MGAT5: variants seen among roughly 807,000 people sequenced by gnomAD.
MGAT5 encodes alpha-1,6-mannosylglycoprotein 6-beta-N-acetylglucosaminyltransferase.
Under a neutral mutation model 94.3 loss-of-function variants are expected in MGAT5, and 30 were observed. That is an observed-to-expected ratio of 0.32 (90% CI 0.24 to 0.43). The LOEUF is 0.43. MGAT5 is among the 20% of genes least tolerant of loss of function. MGAT5 has a pLI of 1.00. For synonymous variants in MGAT5, 310 were observed against 322.9 expected, an observed-to-expected ratio of 0.96 and a Z score of 0.43; for missense variants, 691 against 905.5, an observed-to-expected ratio of 0.76 and a Z score of 3.04.
chr2:134,228,546 G>A (rs140578276), intron 1 of MGAT5, among the ~76,000 whole-genome samples: 1 of 152,272 alleles, frequency 6.6e-6, no homozygotes, highest in African/African-American at 2.4e-5. Context: ...TGTGAAAATG[G>A]ATCTGGGCCT....
chr2:134,237,148 T>TGTGTGTGC (rs374914892), intron 1 of MGAT5, among the ~76,000 whole-genome samples: 2 of 140,744 alleles, frequency 1.4e-5, no homozygotes, highest in South Asian at 2.5e-4. Context: ...TGTGTGTGTG[T>TGTGTGTGC]GCGCGTGTGT....
chr2:134,175,183 A>G (rs1430797340), intron 1 of MGAT5, among the ~76,000 whole-genome samples: 1 of 152,056 alleles, frequency 6.6e-6, no homozygotes, highest in Non-Finnish European at 1.5e-5. Flanking sequence ...ATGGCAAGAG[A>G]TTTTCATGTT....
intron 15 of MGAT5, 73 bp from the exon 16 acceptor site, chr2:134,448,575 GC>G: frequency 7.2e-7 from 1 of 1,386,074 alleles, no homozygotes; most frequent in Non-Finnish European, 1.0e-6. Context: ...CAAGATGGGG[GC>G]TCACAGGGCC....
chr2:134,425,602 T>A (rs1684538027), intron 13 of MGAT5, among the ~76,000 whole-genome samples: 1 of 152,192 alleles, frequency 6.6e-6, no homozygotes, highest in South Asian at 2.1e-4. Context: ...AACCCTGGCC[T>A]CCTGATACTT....
chr2:134,150,146 A>G (rs768733725), intron 1 of MGAT5, among the ~76,000 whole-genome samples: 2 of 152,042 alleles, frequency 1.3e-5, no homozygotes, highest in Non-Finnish European at 2.9e-5. Flanking sequence ...GTCAGATGTC[A>G]GCACTGTGAG....
intron 2 of MGAT5, among the ~76,000 whole-genome samples, chr2:134,285,888 G>T (rs959963571): frequency 2.0e-5 from 3 of 152,040 alleles, no homozygotes; most frequent in Non-Finnish European, 4.4e-5. Flanking sequence ...ATATTTGCTG[G>T]GGTCAAATTT....
chr2:134,452,742 A>G lies in MGAT5; in HGVS notation c.*3895A>G, dbSNP rs974964461. The G allele has an allele frequency of 6.6e-6, 1 of 152,220 alleles. No individual in the cohort carries two copies. Among genetic ancestry groups the G allele is most frequent in the African/African-American group, 2.4e-5 (1 of 41,458 alleles). The allele number at this position is 152,220 out of a possible 1,614,324, so 9.4% of individuals were successfully genotyped here. A position where few individuals can be genotyped will look rare whatever the true frequency, so the allele number is the denominator to read the frequency against. ...CTCTGTTGTATGTGTTACTATCCCA[A>G]GCCTGGATTATTTTATTTATTTAAA... On this transcript the variant is annotated 3_prime_UTR_variant, in exon 16 of 16. Transcript: ENST00000281923.
intron 1 of MGAT5, among the ~76,000 whole-genome samples, chr2:134,257,260 T>G (rs1007803061): frequency 4.6e-5 from 7 of 152,008 alleles, no homozygotes; most frequent in African/African-American, 1.7e-4. Context: ...TGAGATGGAG[T>G]CTTGCGTTGT....
intron 1 of MGAT5, among the ~76,000 whole-genome samples, chr2:134,257,021 G>T (rs139942655): frequency 6.6e-6 from 1 of 152,266 alleles, no homozygotes; most frequent in Non-Finnish European, 1.5e-5. Context: ...AATAGGTCTT[G>T]ATTGTGGTAG....
intron 1 of MGAT5, among the ~76,000 whole-genome samples, chr2:134,182,917 GCTGTGACTACAGGCGC>G (rs1688816763): frequency 1.3e-5 from 2 of 150,444 alleles, no homozygotes; most frequent in Non-Finnish European, 2.9e-5. Context: ...CTCCCGAGTA[GCTGTGACTACAGGCGC>G]CCACCATCAC....
chr2:134,432,463 G>A (rs1019658350), intron 14 of MGAT5, among the ~76,000 whole-genome samples: 3 of 152,222 alleles, frequency 2.0e-5, no homozygotes, highest in African/African-American at 7.2e-5. Context: ...GGACAAGCCT[G>A]TTATGAATCT....
Position 134,362,409 on chromosome 2 carries a change from G to A in MGAT5, c.1380+1G>A. On this transcript the variant is annotated splice_donor_variant, in intron 10 of 15. Coordinates refer to ENST00000281923, the MANE Select transcript of MGAT5 (RefSeq NM_002410.5). LOFTEE classifies it high-confidence loss of function. ...TGGCAAAGTGGATAGCTTCTGGAAGGTGAGTCAGTCTGTGCGTGTCTCTCT... is the reference window on the plus strand; with the variant it reads ...TGGCAAAGTGGATAGCTTCTGGAAGATGAGTCAGTCTGTGCGTGTCTCTCT... 6.2e-7 allele frequency: 1 copy of A among 1,613,942 alleles called. No homozygotes were observed. The highest frequency in any genetic ancestry group is 8.5e-7 in the Non-Finnish European group (1 of 1,179,908).
intron 11 of MGAT5, among the ~76,000 whole-genome samples, chr2:134,411,125 A>T (rs1683628281): frequency 1.3e-5 from 2 of 152,156 alleles, no homozygotes; most frequent in South Asian, 2.1e-4. Flanking sequence ...CAGCAGTCAG[A>T]TCTCCCCCAC....
At chr2:134,279,695 C>T (rs753635398) in intron 2 of MGAT5, among the ~76,000 whole-genome samples, 2 of 152,156 alleles carry the variant, frequency 1.3e-5, no homozygotes, top group Non-Finnish European at 2.9e-5. Context: ...ATAGGACATG[C>T]TGAAATTAGA....
intron 10 of MGAT5, among the ~76,000 whole-genome samples, chr2:134,372,676 C>T (rs1680885655): frequency 6.6e-6 from 1 of 152,182 alleles, no homozygotes; most frequent in Admixed American, 6.5e-5. Context: ...AGGCCTTTGT[C>T]GAAGGTGGTT....
chr2:134,437,331 A>G (rs1558886439), intron 14 of MGAT5, among the ~76,000 whole-genome samples: 2 of 152,280 alleles, frequency 1.3e-5, no homozygotes, highest in East Asian at 1.9e-4. Flanking sequence ...CCTGTACCCC[A>G]TGAGGCTGAA....
chr2:134,224,158 G>C (rs1232372465), intron 1 of MGAT5, among the ~76,000 whole-genome samples: 1 of 152,126 alleles, frequency 6.6e-6, no homozygotes, highest in African/African-American at 2.4e-5. Flanking sequence ...CAAGGTTGTG[G>C]GTTTGTCTTG....
At chr2:134,414,857 G>C (rs1376583320) in intron 12 of MGAT5, among the ~76,000 whole-genome samples, 1 of 152,176 alleles carries the variant, frequency 6.6e-6, no homozygotes, top group African/African-American at 2.4e-5. Flanking sequence ...AGCTAGGCTG[G>C]TCTGCATGTG....
At chr2:134,444,293 G>T (rs576860107) in intron 15 of MGAT5, among the ~76,000 whole-genome samples, 1 of 152,176 alleles carries the variant, frequency 6.6e-6, no homozygotes, top group Non-Finnish European at 1.5e-5. Flanking sequence ...CAGAGTTCAC[G>T]AGAGCAAAAG....
Sources: gnomAD v4.1 joint callset for allele counts (sites outside exome capture counted in the v4.1 genomes callset) on GRCh38, gnomAD v4.1.1 for gene constraint, MANE v1.5 for transcripts, NCBI Gene and HGNC (gene_info 2026-07-23, HGNC 2026-07-21) for gene names.